The following GPHN variants were observed in gnomAD, a reference collection of about 807,000 sequenced individuals.
The protein encoded by GPHN is gephyrin.
Under a neutral mutation model 95.5 loss-of-function variants are expected in GPHN, and 17 were observed. The ratio of observed to expected loss-of-function variants is 0.18; its 90% CI spans 0.12 to 0.27. The LOEUF is 0.27. Ranked by LOEUF, GPHN falls within the 10% of genes least tolerant of loss-of-function variation. The probability of loss-of-function intolerance (pLI) is 1.00; values close to 1 mark genes in which losing one functional copy is unlikely to be tolerated. For synonymous variants in GPHN, 320 were observed against 322.5 expected (o/e 0.99, Z 0.08); for missense variants, 660 against 978.1 (o/e 0.67, Z 4.34).
chr14:66,592,040 A>AAAGC (rs2061671852), intron 1 of GPHN, among the ~76,000 whole-genome samples: 3 of 149,940 alleles, frequency 2.0e-5, no homozygotes, highest in Admixed American at 6.6e-5. Flanking sequence ...AAACTTGACA[A>AAAGC]AAGCAATGGG....
At chr14:67,473,599 C>T in the GPHN span, 6 of 1,604,714 alleles carry the variant, frequency 3.7e-6, no homozygotes, top group Non-Finnish European at 5.1e-6. The surrounding 1 kb of genome is among the most constrained non-coding windows in gnomAD (Gnocchi z 6.5). Flanking sequence ...AAGTCAAAGT[C>T]GAACTGGGAG....
At chr14:67,215,164 C>T in the GPHN span, among the ~76,000 whole-genome samples, 16 of 152,110 alleles carry the variant, frequency 1.1e-4, no homozygotes, top group Non-Finnish European at 2.1e-4. Context: ...AAGGATTCCC[C>T]TCTCATAATG....
intron 2 of GPHN, among the ~76,000 whole-genome samples, chr14:66,729,220 G>A (rs750520291): frequency 1.1e-4 from 16 of 152,146 alleles, no homozygotes; most frequent in Non-Finnish European, 1.3e-4. Flanking sequence ...GCCCTGTCTC[G>A]GGTATGTCTT....
At chr14:67,156,025 A>C (rs2081563456) in intron 18 of GPHN, among the ~76,000 whole-genome samples, 1 of 152,196 alleles carries the variant, frequency 6.6e-6, no homozygotes, top group South Asian at 2.1e-4. Flanking sequence ...GTACTTCAAA[A>C]ATGAAGGTGG....
At chr14:66,882,134 A>G (rs2063960058) in intron 5 of GPHN, among the ~76,000 whole-genome samples, 2 of 151,794 alleles carry the variant, frequency 1.3e-5, no homozygotes, top group African/African-American at 4.8e-5. Flanking sequence ...AACATGTCAT[A>G]GTATATTGTA....
chr14:66,893,460 G>A (rs921181579), intron 5 of GPHN, among the ~76,000 whole-genome samples: 4 of 152,122 alleles, frequency 2.6e-5, no homozygotes, highest in Admixed American at 2.6e-4. Context: ...CACAAGACAG[G>A]GATGCCCTCT....
chr14:67,586,223 T>A, the GPHN span: 1 of 1,223,762 alleles, frequency 8.2e-7, no homozygotes, highest in Non-Finnish European at 1.2e-6. Flanking sequence ...GTTGGTCTTG[T>A]CTGTAATTAG....
chr14:66,976,542 T>C (rs902838411), intron 9 of GPHN, among the ~76,000 whole-genome samples: 4 of 152,174 alleles, frequency 2.6e-5, no homozygotes, highest in Non-Finnish European at 1.5e-5. Flanking sequence ...CAAGGATACA[T>C]ATTCTAAAAT....
At chr14:66,959,251 C>T (rs555474298) in intron 8 of GPHN, among the ~76,000 whole-genome samples, 17 of 151,978 alleles carry the variant, frequency 1.1e-4, no homozygotes, top group South Asian at 2.1e-4. Context: ...ACGTGAGATA[C>T]GACTGACCTT....
intron 10 of GPHN, among the ~76,000 whole-genome samples, chr14:67,056,908 G>A (rs532234516): frequency 1.3e-5 from 2 of 152,182 alleles, no homozygotes; most frequent in Non-Finnish European, 2.9e-5. Flanking sequence ...GGGCGCTCGC[G>A]GGTCGGCAAT....
the GPHN span, among the ~76,000 whole-genome samples, chr14:67,457,110 G>C: frequency 6.6e-6 from 1 of 152,142 alleles, no homozygotes; most frequent in Non-Finnish European, 1.5e-5. Flanking sequence ...GGGAACAATA[G>C]ACACCAGGGC....
the GPHN span, chr14:67,199,779 C>T: frequency 6.5e-7 from 1 of 1,531,218 alleles, no homozygotes; most frequent in South Asian, 1.3e-5. Context: ...ATGCCTCCTC[C>T]TGGCTCCTTC....
the GPHN span, among the ~76,000 whole-genome samples, chr14:67,672,842 T>TC: frequency 6.6e-6 from 1 of 152,238 alleles, no homozygotes; most frequent in Admixed American, 6.5e-5. Flanking sequence ...CACAAGTCTT[T>TC]CACCATGGTC....
the GPHN span, among the ~76,000 whole-genome samples, chr14:67,288,964 C>CTTTTT: frequency 1.9e-5 from 2 of 107,078 alleles, no homozygotes; most frequent in East Asian, 2.4e-4. Context: ...TCTTTATTTC[C>CTTTTT]TTTTTTTTTT....
the GPHN span, among the ~76,000 whole-genome samples, chr14:67,419,036 G>A: frequency 1.3e-5 from 2 of 152,024 alleles, no homozygotes; most frequent in Non-Finnish European, 2.9e-5. Context: ...GATGTCTCAG[G>A]GCCATCAGGG....
the GPHN span, among the ~76,000 whole-genome samples, chr14:67,193,335 T>TAG: frequency 3.6e-5 from 5 of 138,944 alleles, no homozygotes; most frequent in African/African-American, 1.3e-4. Context: ...TATCTCTATA[T>TAG]AGATATCTAT....
At chr14:67,561,092 A>G in the GPHN span, among the ~76,000 whole-genome samples, 34,166 of 152,050 alleles carry the variant, frequency 0.22, 4,256 homozygotes, top group East Asian at 0.47. Flanking sequence ...GGAGGGTATC[A>G]GCTCATTTGG....
At chr14:67,345,768 C>G in the GPHN span, 13 of 1,609,106 alleles carry the variant, frequency 8.1e-6, no homozygotes, top group Non-Finnish European at 1.0e-5. Context: ...TGCTACTTAC[C>G]TGCAGAGAAG....
At chr14:67,683,473 T>C in the GPHN span, among the ~76,000 whole-genome samples, 10 of 152,208 alleles carry the variant, frequency 6.6e-5, no homozygotes, top group African/African-American at 9.6e-5. Flanking sequence ...TGTTACACAG[T>C]GGACAACTGT....
Sources: allele counts gnomAD v4.1 joint callset (sites outside exome capture counted in the v4.1 genomes callset), GRCh38; gene constraint gnomAD v4.1.1; non-coding constraint Gnocchi (gnomAD v3.1); transcripts MANE v1.5; gene names NCBI Gene and HGNC (gene_info 2026-07-23, HGNC 2026-07-21).